SCHIP1: variants seen among roughly 807,000 people sequenced by gnomAD.
SCHIP1 encodes the protein schwannomin-interacting protein 1.
A neutral mutation model predicts 29.7 loss-of-function variants in SCHIP1; 8 were observed. That is an observed-to-expected ratio of 0.27 (90% CI 0.16 to 0.49). The LOEUF is 0.49. Among genes scored for constraint, SCHIP1 ranks in the 20% least tolerant of loss-of-function variants. SCHIP1 has a pLI of 0.99. For missense variants in SCHIP1, 193 were observed against 294.6 expected (o/e 0.66, Z 2.52); for synonymous variants, 76 against 94.9 (o/e 0.80, Z 1.16).
chr3:159,754,407 T>A, the SCHIP1 span, among the ~76,000 whole-genome samples: 1 of 152,244 alleles, frequency 6.6e-6, no homozygotes, highest in Non-Finnish European at 1.5e-5. Context: ...ATTTTTCACA[T>A]ATTGATAGCC....
At chr3:159,765,498 G>A in the SCHIP1 span, 1 of 228,118 alleles carries the variant, frequency 4.4e-6, no homozygotes, top group Non-Finnish European at 8.4e-6. Context: ...CAGTGCCTGC[G>A]GGGGATATTT....
chr3:159,715,026 G>T, the SCHIP1 span, among the ~76,000 whole-genome samples: 86 of 152,312 alleles, frequency 5.6e-4, no homozygotes, highest in African/African-American at 1.8e-3. Context: ...ATAGGGCTGG[G>T]TGCCCCTCTG....
chr3:159,539,966 C>T, the SCHIP1 span, among the ~76,000 whole-genome samples: 10 of 152,088 alleles, frequency 6.6e-5, no homozygotes, highest in African/African-American at 2.4e-4. Context: ...TTAGGAAAGA[C>T]ATGTTGTTCT....
the SCHIP1 span, among the ~76,000 whole-genome samples, chr3:159,628,154 A>G: frequency 1.3e-5 from 2 of 152,164 alleles, no homozygotes; most frequent in African/African-American, 2.4e-5. Flanking sequence ...TCAAAGTTGG[A>G]GTTCAAGGCT....
At chr3:159,545,483 C>A in the SCHIP1 span, among the ~76,000 whole-genome samples, 96 of 151,820 alleles carry the variant, frequency 6.3e-4, no homozygotes, top group African/African-American at 9.4e-4. Flanking sequence ...AGTTTTGGAA[C>A]CTGGACTGGC....
chr3:159,492,968 G>A, the SCHIP1 span, among the ~76,000 whole-genome samples: 4 of 152,146 alleles, frequency 2.6e-5, no homozygotes, highest in Non-Finnish European at 5.9e-5. Flanking sequence ...AAGAAAAGAA[G>A]TTTCAACCCA....
chr3:159,458,320 C>T, the SCHIP1 span, among the ~76,000 whole-genome samples: 2 of 152,158 alleles, frequency 1.3e-5, no homozygotes, highest in Admixed American at 6.6e-5. Flanking sequence ...CTCTCCAGGA[C>T]CTCACTCTAG....
chr3:159,778,691 A>G, the SCHIP1 span, among the ~76,000 whole-genome samples: 1 of 152,212 alleles, frequency 6.6e-6, no homozygotes, highest in African/African-American at 2.4e-5. Context: ...TTAAGTAAAC[A>G]TGGTGCTAAT....
At chr3:159,735,509 C>G in the SCHIP1 span, among the ~76,000 whole-genome samples, 1 of 152,148 alleles carries the variant, frequency 6.6e-6, no homozygotes, top group Non-Finnish European at 1.5e-5. Context: ...GGATTACAGA[C>G]GTGAGCCACC....
At chr3:159,299,018 C>A in the SCHIP1 span, among the ~76,000 whole-genome samples, 1 of 152,130 alleles carries the variant, frequency 6.6e-6, no homozygotes, top group Non-Finnish European at 1.5e-5. Context: ...CAACAAAAAA[C>A]TTTTTGTTGA....
the SCHIP1 span, among the ~76,000 whole-genome samples, chr3:159,584,319 T>C: frequency 1.3e-5 from 2 of 152,218 alleles, no homozygotes; most frequent in Admixed American, 1.3e-4. Flanking sequence ...AGTCACATGC[T>C]ATTTTAAAAG....
the SCHIP1 span, among the ~76,000 whole-genome samples, chr3:159,541,155 G>C: frequency 1.3e-5 from 2 of 152,098 alleles, no homozygotes; most frequent in Non-Finnish European, 2.9e-5. Context: ...TGCTGATGCA[G>C]TTGGAAATGA....
chr3:159,678,797 G>T, the SCHIP1 span, among the ~76,000 whole-genome samples: 1 of 152,184 alleles, frequency 6.6e-6, no homozygotes, highest in African/African-American at 2.4e-5. Context: ...GTGGTGGAAG[G>T]CACCTCTTCA....
chr3:159,696,718 G>A, the SCHIP1 span, among the ~76,000 whole-genome samples: 2 of 152,292 alleles, frequency 1.3e-5, no homozygotes, highest in African/African-American at 2.4e-5. Flanking sequence ...CTCTGTGGGT[G>A]TCGGGGTTCT....
chr3:159,886,473 T>A, intron 3 of SCHIP1, 149 bp downstream of exon 4: 2 of 649,408 alleles, frequency 3.1e-6, no homozygotes, highest in Non-Finnish European at 5.2e-6. Flanking sequence ...AATTTGACAA[T>A]GATTAAAAAG....
At chr3:159,868,892 A>C (rs1262314428) in intron 2 of SCHIP1, among the ~76,000 whole-genome samples, 1 of 152,088 alleles carries the variant, frequency 6.6e-6, no homozygotes, top group African/African-American at 2.4e-5. Context: ...ACATGGTTGC[A>C]ACAGATTATA....
chr3:159,708,799 C>T, the SCHIP1 span, among the ~76,000 whole-genome samples: 1 of 152,194 alleles, frequency 6.6e-6, no homozygotes, highest in African/African-American at 2.4e-5. Flanking sequence ...AACCTCAAGC[C>T]ATGGAAGTAG....
At chr3:159,892,429 C>T in intron 6 of SCHIP1, 2 of 598,262 alleles carry the variant, frequency 3.3e-6, no homozygotes, top group South Asian at 2.1e-5. Context: ...TTACTTCTCA[C>T]ATCTCCGCCT....
At chr3:159,827,761 C>T in the SCHIP1 span, among the ~76,000 whole-genome samples, 42 of 150,946 alleles carry the variant, frequency 2.8e-4, no homozygotes, top group Non-Finnish European at 5.5e-4. Flanking sequence ...GCCGAGATTG[C>T]GCCACTGCAG....
Sources: gnomAD v4.1 joint callset for allele counts (sites outside exome capture counted in the v4.1 genomes callset) on GRCh38, gnomAD v4.1.1 for gene constraint, MANE v1.5 for transcripts, NCBI Gene and HGNC (gene_info 2026-07-23, HGNC 2026-07-21) for gene names.